The following IL37 variants were observed in gnomAD, a reference collection of about 807,000 sequenced individuals.
IL37 encodes the protein interleukin-37.
IL37 carries 15 observed loss-of-function variants against 15.4 expected under a neutral mutation model. The ratio of observed to expected loss-of-function variants is 0.98; its 90% CI spans 0.65 to 1.50. The LOEUF is 1.50. Among genes scored for constraint, IL37 ranks in the 40% most tolerant of loss-of-function variants. The pLI, the probability that IL37 is intolerant of heterozygous loss-of-function variation, is 0.00. For synonymous variants in IL37, 98 were observed against 97.4 expected (o/e 1.01, Z -0.03); for missense variants, 269 against 261.7 (o/e 1.03, Z -0.19).
intron 3 of IL37, among the ~76,000 whole-genome samples, chr2:112,916,622 T>G (rs775204015): frequency 1.1e-4 from 16 of 152,246 alleles, no homozygotes; most frequent in Non-Finnish European, 1.5e-5. Flanking sequence ...GCCTGGCCAG[T>G]GCAGGGATCT....
rs757174111 is a variant in IL37 at position 112,917,292 on chromosome 2, G to C, written c.265+44G>C. ...TGTGTTTTCTGCCTCCACCTAGCAG[G>C]GGTAAGGCCTCCTGCTAGGTGGGCT... On this transcript the variant is annotated intron_variant, in intron 4 of 5. Transcript: ENST00000263326. The C allele has an allele frequency of 5.1e-5, 82 of 1,605,326 alleles. 2 individuals carry two copies. The South Asian group carries it at 8.2e-4, about 16-fold the overall frequency.
intron 3 of IL37, among the ~76,000 whole-genome samples, chr2:112,916,487 G>A (rs1466608095): frequency 6.6e-6 from 1 of 152,078 alleles, no homozygotes; most frequent in Non-Finnish European, 1.5e-5. Context: ...TTCCTCCAGG[G>A]CCAGGTGCAA....
chr2:112,918,604 G>T lies in IL37; in HGVS notation c.452G>T (p.Arg151Leu). Residue 151 changes from arginine (R) to leucine (L), a missense_variant, in exon 6 of 6, where the codon CGC (arginine) becomes CTC (leucine). By Grantham distance (102) the Arg-to-Leu change is moderately radical (BLOSUM62 -2). Transcript: ENST00000263326. ...MKLAAQKESARRPFIFYRAQV... is the reference protein window; with the variant it reads ...MKLAAQKESALRPFIFYRAQV... ...CTGGCTGCCCAAAAGGAATCAGCAC[G>T]CCGGCCCTTCATCTTTTATAGGGCT... 1 of 1,613,290 alleles carries T rather than the reference G, an allele frequency of 6.2e-7. No homozygotes were observed. Among genetic ancestry groups the T allele is most frequent in the Non-Finnish European group, 8.5e-7 (1 of 1,179,912 alleles).
At chr2:112,917,024 C>A in intron 3 of IL37, 105 bp from the exon 4 acceptor site, 1 of 1,301,824 alleles carries the variant, frequency 7.7e-7, no homozygotes, top group Non-Finnish European at 1.1e-6. Context: ...TCTGAGCCCA[C>A]AGGCAGGGTG....
intron 4 of IL37, 59 bp downstream of exon 4, chr2:112,917,307 C>T (rs531689067): frequency 2.0e-5 from 32 of 1,585,694 alleles, no homozygotes; most frequent in Non-Finnish European, 2.7e-5. Flanking sequence ...AGGCCTCCTG[C>T]TAGGTGGGCT....
At chr2:112,911,616 C>G (rs1286290968) in intron 1 of IL37, among the ~76,000 whole-genome samples, 1 of 152,148 alleles carries the variant, frequency 6.6e-6, no homozygotes, top group African/African-American at 2.4e-5. Context: ...TTCAGATGGC[C>G]AGATGCACTG....
chr2:112,917,179 G>A lies in IL37; in HGVS notation c.196G>A (p.Asp66Asn). 2 of 1,613,886 alleles carry A rather than the reference G, an allele frequency of 1.2e-6. No homozygotes were observed. Among genetic ancestry groups the A allele is most frequent in the Non-Finnish European group, 1.7e-6 (2 of 1,179,766 alleles). ...GAAGAAATTCAGCATTCATGACCAG[G>A]ATCACAAAGTACTGGTCCTGGACTC... ...NPKKFSIHDQ[D>N]HKVLVLDSGN... The change falls in exon 4 of 6, where the codon GAT becomes AAT. Residue 66 changes from aspartate (D) to asparagine (N), a missense_variant. Physicochemically the swap from Asp to Asn is conservative, Grantham distance 23 (BLOSUM62 1). Coordinates refer to ENST00000263326, the MANE Select transcript of IL37 (RefSeq NM_014439.4).
chr2:112,914,393 G>A (rs898992819), intron 3 of IL37, among the ~76,000 whole-genome samples: 1 of 152,210 alleles, frequency 6.6e-6, no homozygotes, highest in African/African-American at 2.4e-5. Flanking sequence ...AGTGACAGAT[G>A]TGGAAATTTA....
intron 4 of IL37, 96 bp from the exon 5 acceptor site, chr2:112,917,539 G>T: frequency 8.0e-7 from 1 of 1,249,482 alleles, no homozygotes; most frequent in Non-Finnish European, 1.1e-6. Context: ...CAGAGTCAAG[G>T]GAGAGGGACT....
chr2:112,917,110 T>C lies in IL37; in HGVS notation c.146-19T>C, dbSNP rs1442915582. ...CCATTTTCAATGTGAAGTGTTGATA[T>C]CTGGTGATATTGATCTAGGTCCAAA... On this transcript the variant is annotated intron_variant, in intron 3 of 5. Coordinates refer to ENST00000263326, the MANE Select transcript of IL37 (RefSeq NM_014439.4). 3 of 1,613,248 alleles carry C rather than the reference T, an allele frequency of 1.9e-6. No individual in the cohort carries two copies. Among genetic ancestry groups the C allele is most frequent in the Non-Finnish European group, 2.5e-6 (3 of 1,179,578 alleles).
Position 112,918,586 on chromosome 2 carries a change from C to A in IL37, c.434C>A (p.Ala145Asp). The A allele has an allele frequency of 6.2e-7, 1 of 1,612,348 alleles. No individual in the cohort carries two copies. The highest frequency in any genetic ancestry group is 1.1e-5 in the South Asian group (1 of 91,020). ...AAGGAGAAACTGATGAAGCTGGCTGCCCAAAAGGAATCAGCACGCCGGCCC... is the reference window on the plus strand; with the variant it reads ...AAGGAGAAACTGATGAAGCTGGCTGACCAAAAGGAATCAGCACGCCGGCCC... ...LKKEKLMKLA[A>D]QKESARRPFI... The change falls in exon 6 of 6, where the codon GCC becomes GAC. Residue 145 changes from alanine (A) to aspartate (D), a missense_variant. Transcript: ENST00000263326.
At chr2:112,911,283 A>G (rs949757913) in intron 1 of IL37, among the ~76,000 whole-genome samples, 35 bp downstream of exon 1, 1 of 152,194 alleles carries the variant, frequency 6.6e-6, no homozygotes, top group Non-Finnish European at 1.5e-5. Context: ...TTCAAGGCCA[A>G]CAGGATGGAT....
At chr2:112,915,263 C>T in intron 3 of IL37, 1 of 1,612,052 alleles carries the variant, frequency 6.2e-7, no homozygotes, top group Non-Finnish European at 8.5e-7. Flanking sequence ...TTAAGAGGTA[C>T]AAAGTAAAAT....
chr2:112,911,289 T>G (rs1683172823), intron 1 of IL37, among the ~76,000 whole-genome samples, 41 bp downstream of exon 1: 1 of 152,146 alleles, frequency 6.6e-6, no homozygotes. Context: ...GCCAACAGGA[T>G]GGATGGGGAA....
intron 3 of IL37, chr2:112,915,348 A>C: frequency 9.2e-4 from 959 of 1,042,814 alleles, no homozygotes; most frequent in Non-Finnish European, 1.2e-3. Flanking sequence ...TGAGAATCTC[A>C]GGAGTGTGAG....
At position 112,913,824 on chromosome 2, in the gene IL37, A is replaced by C; in HGVS notation, c.115A>C (p.Ser39Arg). 1 of 1,613,400 alleles carries C rather than the reference A, an allele frequency of 6.2e-7. No homozygotes were observed. Among genetic ancestry groups the C allele is most frequent in the African/African-American group, 1.3e-5 (1 of 74,966 alleles). Residue 39 changes from serine (S) to arginine (R), a missense_variant, in exon 3 of 6, where the codon AGC becomes CGC. Physicochemically the swap from Ser to Arg is moderately radical, Grantham distance 110. Transcript: ENST00000263326. ...PAGSPLEPGP[S>R]LPTMNFVHTS... is the part of the protein sequence containing the mutation. ...TGGAAGCCCCCTGGAACCAGGCCCA[A>C]GCCTCCCCACCATGAATTTTGTTCA...
chr2:112,917,857 C>T (rs1683356205), intron 5 of IL37, 80 bp downstream of exon 5: 1 of 1,449,334 alleles, frequency 6.9e-7, no homozygotes, highest in Non-Finnish European at 9.6e-7. Context: ...TCTCGCTTTC[C>T]TGCAAATTCT....
chr2:112,915,016 C>A lies in IL37; in HGVS notation c.145+1162C>A, dbSNP rs544311508. Among the ~76,000 whole-genome samples the A allele has an allele frequency of 9.4e-4, 143 of 152,286 alleles. 1 individual carries two copies. Among genetic ancestry groups the A allele is most frequent in the Non-Finnish European group, 1.4e-3 (96 of 68,028 alleles). Reference sequence around the variant, plus strand: ...ACTAGTGCCCTAAAGCTGGCGCTGGCACTGATGTTACTGCTGCTGTTGGAG... The same window carrying A: ...ACTAGTGCCCTAAAGCTGGCGCTGGAACTGATGTTACTGCTGCTGTTGGAG... On this transcript the variant is annotated intron_variant, in intron 3 of 5. Transcript: ENST00000263326.
At chr2:112,912,216 C>T (rs764006981) in intron 1 of IL37, among the ~76,000 whole-genome samples, 4 of 151,998 alleles carry the variant, frequency 2.6e-5, no homozygotes, top group Non-Finnish European at 5.9e-5. Context: ...ATTTTTGCTC[C>T]ACTTCTGTCC....
Sources: gnomAD v4.1 joint callset for allele counts (sites outside exome capture counted in the v4.1 genomes callset) on GRCh38, gnomAD v4.1.1 for gene constraint, MANE v1.5 for transcripts, NCBI Gene and HGNC (gene_info 2026-07-23, HGNC 2026-07-21) for gene names.